The following CWC22 variants were observed in gnomAD, a reference collection of about 807,000 sequenced individuals.
The protein encoded by CWC22 is CWC22 spliceosome associated protein, also known as pre-mRNA-splicing factor CWC22 homolog.
In CWC22, 53 loss-of-function variants were observed where a neutral mutation model predicts 117.2. The ratio of observed to expected loss-of-function variants is 0.45; its 90% CI spans 0.36 to 0.57. The LOEUF (loss-of-function observed/expected upper bound fraction) is 0.57, where lower values mean the gene tolerates loss of function less well. Ranked by LOEUF, CWC22 falls within the 20% of genes least tolerant of loss-of-function variation. CWC22 has a pLI of 0.00. For synonymous variants in CWC22, 360 were observed against 355.6 expected (o/e 1.01, Z -0.14); for missense variants, 980 against 1,068.8 (o/e 0.92, Z 1.16).
chr2:179,951,683 G>T (rs1243231712), intron 17 of CWC22, among the ~76,000 whole-genome samples: 2 of 152,066 alleles, frequency 1.3e-5, no homozygotes, highest in East Asian at 3.9e-4. Context: ...GCAGCTTGCT[G>T]AAGAGAGAGA....
At position 179,950,915 on chromosome 2, in the gene CWC22, G is replaced by A. The variant is rs935165399; in HGVS notation, c.1829C>T (p.Pro610Leu). 2.6e-6 allele frequency: 4 copies of A among 1,565,674 alleles called. No individual in the cohort carries two copies. Among genetic ancestry groups the A allele is most frequent in the African/African-American group, 2.7e-5 (2 of 73,506 alleles). Residue 610 changes from proline (P) to leucine (L), a missense_variant, in exon 18 of 20, where the codon CCA (proline) becomes CTA (leucine). This residue lies in a region of CWC22 where 115 missense variants were observed against 169.8 expected (regional missense o/e 0.68). Coordinates refer to ENST00000410053, the MANE Select transcript of CWC22 (RefSeq NM_020943.3). The stretch of plus-strand genomic sequence containing the variant: ...TCGGGGTAATAATCCTTCAAAGAAT[G>A]GCTGCAGAGTTCTAAAAAGGAAAAA... ...NARLKDETLQ[P>L]FFEGLLPRDN...
chr2:179,996,802 G>C (rs1021664233), intron 1 of CWC22, among the ~76,000 whole-genome samples: 1 of 149,128 alleles, frequency 6.7e-6, no homozygotes, highest in East Asian at 2.0e-4. Context: ...CTTGAAAATA[G>C]TGAAACAATT....
At chr2:179,991,995 C>T (rs1296560427) in intron 2 of CWC22, among the ~76,000 whole-genome samples, 1 of 152,160 alleles carries the variant, frequency 6.6e-6, no homozygotes, top group African/African-American at 2.4e-5. Context: ...GCAGCAGAGG[C>T]TGCCTTACTC....
rs560602931 is a variant in CWC22 at position 179,974,490 on chromosome 2, G to A, written c.582-688C>T. 8.5e-5 allele frequency among the ~76,000 whole-genome samples: 13 copies of A among 152,286 alleles called. No homozygotes were observed. The South Asian group carries it at 2.7e-3, about 32-fold the overall frequency. ...GTTACTTTTAGCAATGTAATGACAA[G>A]TAATTATTGGATTGCCAAAAGTCAG... On this transcript the variant is annotated intron_variant, in intron 6 of 19. Transcript: ENST00000410053.
At chr2:179,997,562 A>G (rs1162891114) in intron 1 of CWC22, among the ~76,000 whole-genome samples, 2 of 152,176 alleles carry the variant, frequency 1.3e-5, no homozygotes, top group South Asian at 2.1e-4. Context: ...GAGAGCCATA[A>G]AACTCAAAAC....
At chr2:179,992,596 A>T (rs926792151) in intron 2 of CWC22, among the ~76,000 whole-genome samples, 15 of 152,196 alleles carry the variant, frequency 9.9e-5, no homozygotes, top group African/African-American at 3.6e-4. Context: ...ATTCTAACAT[A>T]CTACATAACT....
chr2:179,954,555 CAT>C (rs1363980602), intron 15 of CWC22, among the ~76,000 whole-genome samples, 198 bp from the exon 16 acceptor site: 1 of 151,992 alleles, frequency 6.6e-6, no homozygotes, highest in Non-Finnish European at 1.5e-5. Flanking sequence ...CTGAGATTTA[CAT>C]GTTAAAACAA....
At chr2:179,966,186 T>G (rs1193887745) in intron 11 of CWC22, among the ~76,000 whole-genome samples, 2 of 152,214 alleles carry the variant, frequency 1.3e-5, no homozygotes, top group Non-Finnish European at 2.9e-5. Context: ...GCTGTATGTA[T>G]CACTCTTCTG....
At chr2:179,987,495 T>C (rs1352163486) in intron 3 of CWC22, among the ~76,000 whole-genome samples, 1 of 152,098 alleles carries the variant, frequency 6.6e-6, no homozygotes, top group Admixed American at 6.5e-5. Flanking sequence ...AAGAGTTTTT[T>C]GTTTGTTTTT....
Position 179,981,856 on chromosome 2 carries a change from C to A in CWC22, c.348G>T (p.Lys116Asn). ...GAGGATCCAGCTCATCTTTCTTTTT[C>A]TTTGTAGCAGGTTCATCCTGAGCAG... is the stretch of plus-strand genomic sequence containing the variant. ...SSSAQDEPAT[K>N]KKKDELDPLL... The change falls in exon 5 of 20, where the codon AAG becomes AAT. Residue 116 changes from lysine to asparagine, a missense_variant. Lys to Asn is a moderately conservative substitution (Grantham distance 94). Transcript: ENST00000410053. 3.1e-6 allele frequency: 5 copies of A among 1,613,616 alleles called. No homozygotes were observed. Among genetic ancestry groups the A allele is most frequent in the Non-Finnish European group, 3.4e-6 (4 of 1,179,758 alleles).
chr2:179,990,895 GAA>G (rs1687548478), intron 2 of CWC22, among the ~76,000 whole-genome samples: 1 of 152,206 alleles, frequency 6.6e-6, no homozygotes, highest in Non-Finnish European at 1.5e-5. Flanking sequence ...GCTAACGGAT[GAA>G]AGTGGGAAAA....
intron 14 of CWC22, 94 bp downstream of exon 14, chr2:179,958,928 G>T (rs573739338): frequency 1.0e-5 from 7 of 666,998 alleles, no homozygotes; most frequent in Non-Finnish European, 1.4e-5. Context: ...TAGTACTGAG[G>T]TATTGCTTCA....
At chr2:179,975,523 G>A (rs1687133188) in intron 6 of CWC22, among the ~76,000 whole-genome samples, 1 of 152,072 alleles carries the variant, frequency 6.6e-6, no homozygotes, top group African/African-American at 2.4e-5. Context: ...TCTTAATATA[G>A]AAAACCCTAA....
At position 179,965,947 on chromosome 2, in the gene CWC22, C is replaced by A; in HGVS notation, c.1246G>T (p.Asp416Tyr). The change falls in exon 12 of 20, where the codon GAC (aspartate) becomes TAC (tyrosine). Residue 416 changes from aspartate to tyrosine, a missense_variant. Asp to Tyr is a radical substitution (Grantham distance 160). Around this residue, in one of 3 missense-constraint regions of CWC22, gnomAD observed 559 missense variants for 602.3 expected, o/e 0.93. Coordinates refer to ENST00000410053, the MANE Select transcript of CWC22 (RefSeq NM_020943.3). Reference protein sequence around the residue: ...LDEGDTDSNTDQDAGSSEEDE... With the variant: ...LDEGDTDSNTYQDAGSSEEDE... Reference sequence around the variant, plus strand: ...TCTTCACTACTCCCAGCATCCTGGTCTGTGTTCGAGTCAGTATCTCCCTCA... The same window carrying A: ...TCTTCACTACTCCCAGCATCCTGGTATGTGTTCGAGTCAGTATCTCCCTCA... The A allele has an allele frequency of 1.9e-6, 3 of 1,612,568 alleles. No homozygotes were observed. Among genetic ancestry groups the A allele is most frequent in the Non-Finnish European group, 2.5e-6 (3 of 1,178,856 alleles).
In CWC22 at chr2:179,965,885, A is replaced by T. The variant is rs910527604; in HGVS notation, c.1308T>A (p.Asp436Glu). The T allele has an allele frequency of 6.6e-7, 1 of 1,515,634 alleles. No homozygotes were observed. The highest frequency in any genetic ancestry group is 9.2e-7 in the Non-Finnish European group (1 of 1,091,274). 93.9% of individuals were successfully genotyped at this position (1,515,634 alleles called of 1,614,324 possible). A position where few individuals can be genotyped will look rare whatever the true frequency, so the allele number is the denominator to read the frequency against. Residue 436 changes from aspartate to glutamate, a missense_variant, in exon 12 of 20, where the codon GAT (aspartate) becomes GAA (glutamate). By Grantham distance (45) the Asp-to-Glu change is conservative (BLOSUM62 2). Transcript: ENST00000410053. The stretch of plus-strand genomic sequence containing the variant: ...AATATGCTACATGTTTACCTTCTTC[A>T]TCTTCTTCTCCCTCTTCCTCTTCTT... ...EEEEEEEGEE[D>E]EEGQKVTIHD...
intron 8 of CWC22, 93 bp from the exon 9 acceptor site, chr2:179,971,169 C>T (rs1447517455): frequency 2.2e-6 from 2 of 911,802 alleles, no homozygotes; most frequent in South Asian, 2.4e-5. Context: ...AATCTGTTTA[C>T]AATAATTATA....
chr2:179,993,288 C>G, intron 2 of CWC22, 27 bp downstream of exon 2: 2 of 1,499,404 alleles, frequency 1.3e-6, no homozygotes, highest in Non-Finnish European at 1.8e-6. Context: ...AAGTTTACAT[C>G]CTCCATTTTA....
At chr2:179,991,329 G>C (rs980193416) in intron 2 of CWC22, among the ~76,000 whole-genome samples, 1 of 152,186 alleles carries the variant, frequency 6.6e-6, no homozygotes, top group Non-Finnish European at 1.5e-5. Context: ...GAAGCCTTAT[G>C]AACCTAATAG....
intron 19 of CWC22, 125 bp from the exon 20 acceptor site, chr2:179,945,840 G>T (rs932398261): frequency 9.9e-6 from 6 of 605,574 alleles, no homozygotes; most frequent in Admixed American, 6.6e-5. Flanking sequence ...AAGCCAAATT[G>T]ATTGAATAGA....
Sources: gnomAD v4.1 joint callset for allele counts (sites outside exome capture counted in the v4.1 genomes callset) on GRCh38, gnomAD v4.1.1 for gene constraint, gnomAD v4.1.1 regional missense constraint, MANE v1.5 for transcripts, NCBI Gene and HGNC (gene_info 2026-07-23, HGNC 2026-07-21) for gene names.